The following ZNF536 variants were observed in gnomAD, a reference collection of about 807,000 sequenced individuals.
ZNF536 encodes the protein zinc finger protein 536.
A neutral mutation model predicts 84.5 loss-of-function variants in ZNF536; 13 were observed. That is an observed-to-expected ratio of 0.15 (90% CI 0.10 to 0.24). The LOEUF (loss-of-function observed/expected upper bound fraction) is 0.24. Among genes scored for constraint, ZNF536 ranks in the 10% least tolerant of loss-of-function variants. ZNF536 has a pLI of 1.00. For synonymous variants in ZNF536, 811 were observed against 742.5 expected, an observed-to-expected ratio of 1.09 and a Z score of -1.50; for missense variants, 1,536 against 1,747.5, an observed-to-expected ratio of 0.88 and a Z score of 2.16.
chr19:30,555,982 G>C (rs1279074989), intron 4 of ZNF536: 1 of 152,242 alleles, frequency 6.6e-6, no homozygotes, highest in Non-Finnish European at 1.5e-5. Flanking sequence ...TTTTGTCTCT[G>C]TTGCTGCCTT....
intron 1 of ZNF536, among the ~76,000 whole-genome samples, chr19:30,410,770 G>A (rs995055702): frequency 1.3e-5 from 2 of 151,968 alleles, no homozygotes; most frequent in East Asian, 1.9e-4. Context: ...GAGCCACCGC[G>A]CCCGGCCAAG....
intron 2 of ZNF536, among the ~76,000 whole-genome samples, chr19:30,328,998 G>T (rs2047124099): frequency 1.3e-5 from 2 of 152,234 alleles, no homozygotes; most frequent in South Asian, 4.1e-4. Context: ...TGTAGAGAGG[G>T]ATACCCTCAT....
At chr19:30,422,582 T>C (rs895835354) in intron 1 of ZNF536, among the ~76,000 whole-genome samples, 4 of 152,160 alleles carry the variant, frequency 2.6e-5, no homozygotes, top group Non-Finnish European at 4.4e-5. Flanking sequence ...CCCTCTTCCT[T>C]TCTAGAGGAG....
At chr19:30,594,715 G>A (rs2047395915) in intron 1 of ZNF536, among the ~76,000 whole-genome samples, 2 of 151,990 alleles carry the variant, frequency 1.3e-5, no homozygotes, top group Admixed American at 1.3e-4. Context: ...GCCGGCCTGT[G>A]CTGCCTCCTC....
chr19:30,462,675 GGT>G (rs1318446551), intron 2 of ZNF536, among the ~76,000 whole-genome samples: 9 of 152,070 alleles, frequency 5.9e-5, no homozygotes, highest in African/African-American at 2.2e-4. Flanking sequence ...CATGGGATGG[GGT>G]GTGTGTTGTG....
chr19:30,267,831 G>A (rs1009333255), intron 1 of ZNF536, among the ~76,000 whole-genome samples: 2 of 151,864 alleles, frequency 1.3e-5, no homozygotes, highest in African/African-American at 2.4e-5. Context: ...TGCGAGTCTC[G>A]CTTTCTTTTT....
intron 2 of ZNF536, among the ~76,000 whole-genome samples, chr19:30,517,508 A>G (rs2044130685): frequency 6.6e-6 from 1 of 152,152 alleles, no homozygotes; most frequent in South Asian, 2.1e-4. Flanking sequence ...GGGAGATAAC[A>G]CAGTTTCTCA....
intron 2 of ZNF536, among the ~76,000 whole-genome samples, chr19:30,292,904 G>A (rs2045887516): frequency 1.3e-5 from 2 of 152,172 alleles, no homozygotes; most frequent in Admixed American, 1.3e-4. Context: ...GATTTCCTCA[G>A]GATTAGAAGA....
chr19:30,500,957 T>A (rs891786850), intron 2 of ZNF536, among the ~76,000 whole-genome samples: 7 of 152,298 alleles, frequency 4.6e-5, no homozygotes, highest in African/African-American at 1.7e-4. Context: ...CAGAGCTTTG[T>A]TGAGGCTCCT....
Position 30,388,555 on chromosome 19 carries a change from G to A in ZNF536, c.-3+15999G>A, listed in dbSNP as rs147447089. Among the ~76,000 whole-genome samples, 3 of 152,214 alleles carry A rather than the reference G, an allele frequency of 2.0e-5. No homozygotes were observed. In the East Asian group the frequency reaches 5.8e-4, roughly 30 times the overall value. ...GCCATCCAGGTGCAGAGCCCTCCACGATCGCCTCGTCCCTCCTGTGCTTGG... is the reference window on the plus strand; with the variant it reads ...GCCATCCAGGTGCAGAGCCCTCCACAATCGCCTCGTCCCTCCTGTGCTTGG... On this transcript the variant is annotated intron_variant, in intron 1 of 4. Transcript: ENST00000355537.
intron 1 of ZNF536, among the ~76,000 whole-genome samples, chr19:30,271,525 A>T (rs2025853642): frequency 6.6e-6 from 1 of 152,000 alleles, no homozygotes; most frequent in Non-Finnish European, 1.5e-5. Flanking sequence ...TCACCAGGAT[A>T]GCTGTATTTT....
intron 1 of ZNF536, among the ~76,000 whole-genome samples, chr19:30,656,777 T>G (rs551203986): frequency 6.6e-6 from 1 of 152,296 alleles, no homozygotes; most frequent in Non-Finnish European, 1.5e-5. Flanking sequence ...ACCAAGCCAG[T>G]GTCATTAGGT....
intron 2 of ZNF536, among the ~76,000 whole-genome samples, chr19:30,506,491 C>A (rs1462832838): frequency 1.3e-5 from 2 of 152,220 alleles, no homozygotes; most frequent in Non-Finnish European, 2.9e-5. Context: ...TTTCATATTT[C>A]TTTTAGGTCC....
chr19:30,627,825 C>T (rs779136099), intron 1 of ZNF536, among the ~76,000 whole-genome samples: 5 of 152,120 alleles, frequency 3.3e-5, no homozygotes, highest in South Asian at 2.1e-4. Flanking sequence ...TGAGGAGAGG[C>T]GAAGATGGGT....
chr19:30,247,031 C>G (rs1384998456), intron 1 of ZNF536, among the ~76,000 whole-genome samples: 2 of 152,196 alleles, frequency 1.3e-5, no homozygotes, highest in Admixed American at 1.3e-4. Flanking sequence ...CCCACGTCCC[C>G]TGGGTTCTTC....
chr19:30,613,404 C>T (rs1463483806), intron 1 of ZNF536, among the ~76,000 whole-genome samples: 10 of 152,196 alleles, frequency 6.6e-5, no homozygotes, highest in Admixed American at 6.5e-4. Context: ...CTCAATCCTA[C>T]ATGTCTTAAA....
At chr19:30,703,683 A>G (rs1044451195) in intron 1 of ZNF536, among the ~76,000 whole-genome samples, 1 of 152,278 alleles carries the variant, frequency 6.6e-6, no homozygotes, top group South Asian at 2.1e-4. Flanking sequence ...TTCGATGAAG[A>G]ACCAGGCAGA....
chr19:30,308,477 C>G lies in ZNF536; in HGVS notation c.-120+24336C>G, dbSNP rs1681352554. ...AAGATTTTTTAAAGGACTTGCAAAG[C>G]TGGCACTCAACTCTAGCTGGAGAGA... On this transcript the variant is annotated intron_variant, in intron 2 of 5. Coordinates refer to the ZNF536 transcript ENST00000585628. Among the ~76,000 whole-genome samples the G allele has an allele frequency of 2.0e-5, 3 of 152,084 alleles. No homozygotes were observed. The South Asian group carries it at 6.2e-4, about 32-fold the overall frequency.
At chr19:30,508,433 G>A (rs968471672) in intron 2 of ZNF536, among the ~76,000 whole-genome samples, 14 of 152,148 alleles carry the variant, frequency 9.2e-5, no homozygotes, top group African/African-American at 3.4e-4. Context: ...GGTATGACTG[G>A]GACCAGGTCA....
Sources: allele counts gnomAD v4.1 joint callset (sites outside exome capture counted in the v4.1 genomes callset), GRCh38; gene constraint gnomAD v4.1.1; transcripts MANE v1.5; gene names NCBI Gene and HGNC (gene_info 2026-07-23, HGNC 2026-07-21).